PTP4A1: variants seen among roughly 807,000 people sequenced by gnomAD.
PTP4A1 encodes the protein protein tyrosine phosphatase type IVA 1.
A neutral mutation model predicts 20.5 loss-of-function variants in PTP4A1; 9 were observed. That is an observed-to-expected ratio of 0.44 (90% CI 0.26 to 0.77). PTP4A1 has a LOEUF of 0.77. Ranked by LOEUF, PTP4A1 falls within the 30% of genes least tolerant of loss-of-function variation. The probability of loss-of-function intolerance (pLI) is 0.19; values close to 1 mark genes in which losing one functional copy is unlikely to be tolerated. For missense variants in PTP4A1, 137 were observed against 218.8 expected (o/e 0.63, Z 2.36); for synonymous variants, 78 against 67.4 (o/e 1.16, Z -0.77).
At chr6:63,549,476 C>G in intron 2 of PTP4A1, 1 of 787,486 alleles carries the variant, frequency 1.3e-6, no homozygotes, top group Non-Finnish European at 2.2e-6. Context: ...CCGGAGCCAC[C>G]TTCTTTCCCT....
At position 63,576,715 on chromosome 6, in the gene PTP4A1, G is replaced by T. The variant is rs2149514534; in HGVS notation, c.-166G>T. 1.6e-6 allele frequency: 1 copy of T among 622,906 alleles called. No individual in the cohort carries two copies. Among genetic ancestry groups the T allele is most frequent in the Non-Finnish European group, 2.8e-6 (1 of 357,490 alleles). The allele number at this position is 622,906 out of a possible 1,614,324, so 38.6% of individuals were successfully genotyped here. ...CTGGATTGAAGAATTGCTGCTTCTT[G>T]TTAGGAGGTTCATTTCACTTATCAT... is the stretch of plus-strand genomic sequence containing the variant. On this transcript the variant is annotated 5_prime_UTR_variant, in exon 2 of 6. Transcript: ENST00000626021.
exon 2 of PTP4A1, chr6:63,527,868 C>G (rs1775255882): frequency 6.6e-6 from 1 of 152,192 alleles, no homozygotes; most frequent in South Asian, 2.1e-4. Flanking sequence ...TCATAATTCC[C>G]AGCAGCAGTG....
rs1369249808 is a variant in PTP4A1, at chr6:63,576,576, G to A, written c.-305G>A. The A allele has an allele frequency of 8.8e-6, 4 of 453,902 alleles. No individual in the cohort carries two copies. Among genetic ancestry groups the A allele is most frequent in the Non-Finnish European group, 1.5e-5 (4 of 258,734 alleles). 28.1% of individuals were successfully genotyped at this position (453,902 alleles called of 1,614,324 possible). On this transcript the variant is annotated 5_prime_UTR_variant, in exon 2 of 6. In the 5' UTR this introduces an upstream ATG that the reference lacks. Coordinates refer to ENST00000626021, the MANE Select transcript of PTP4A1 (RefSeq NM_003463.5). ...GCTCCACCAAGAAGCCCCCATAAGA[G>A]TGGTTATCCTGGACACAGAAGTGTT...
chr6:63,546,715 AAAAT>A (rs1210081792), intron 2 of PTP4A1, among the ~76,000 whole-genome samples: 1 of 152,194 alleles, frequency 6.6e-6, no homozygotes, highest in Non-Finnish European at 1.5e-5. Flanking sequence ...TCAAAAAAAA[AAAAT>A]AGAGTACAAG....
rs1778140889 is a variant in PTP4A1 at position 63,580,234 on chromosome 6, A to G, written c.*60A>G. The G allele has an allele frequency of 2.3e-6, 3 of 1,314,734 alleles. No individual in the cohort carries two copies. In the South Asian group the frequency reaches 3.6e-5, roughly 16 times the overall value. The allele number at this position is 1,314,734 out of a possible 1,614,324, so 81.4% of individuals were successfully genotyped here. A position where few individuals can be genotyped will look rare whatever the true frequency, so the allele number is the denominator to read the frequency against. On this transcript the variant is annotated 3_prime_UTR_variant, in exon 6 of 6. Coordinates refer to ENST00000626021, the MANE Select transcript of PTP4A1 (RefSeq NM_003463.5). Reference sequence around the variant, plus strand: ...TGAGATAGGGCCTAATTTGTTATACATATTAGCCAACATGTTGGCTTAGTA... The same window carrying G: ...TGAGATAGGGCCTAATTTGTTATACGTATTAGCCAACATGTTGGCTTAGTA...
chr6:63,542,906 G>A (rs767765467), intron 2 of PTP4A1, among the ~76,000 whole-genome samples: 6 of 151,974 alleles, frequency 3.9e-5, no homozygotes, highest in Non-Finnish European at 7.4e-5. Context: ...CTCTTATGTC[G>A]TGTTCCTAAC....
At chr6:63,523,093 T>C (rs1775004640) in intron 1 of PTP4A1, among the ~76,000 whole-genome samples, 1 of 151,808 alleles carries the variant, frequency 6.6e-6, no homozygotes, top group Non-Finnish European at 1.5e-5. Context: ...CTCAAACTCC[T>C]GACCTCAAGT....
chr6:63,559,909 G>T (rs1220008906), intron 3 of PTP4A1, among the ~76,000 whole-genome samples: 1 of 152,080 alleles, frequency 6.6e-6, no homozygotes, highest in Admixed American at 6.6e-5. Context: ...TTACAGGGGT[G>T]ATCCACCGTG....
chr6:63,519,462 G>C (rs2149469972), upstream of PTP4A1, among the ~76,000 whole-genome samples: 1 of 152,300 alleles, frequency 6.6e-6, no homozygotes, highest in South Asian at 2.1e-4. Flanking sequence ...ATGTGAAACT[G>C]TACTATGTCC....
intron 3 of PTP4A1, among the ~76,000 whole-genome samples, chr6:63,559,942 G>A (rs6916092): frequency 0.25 from 38,452 of 151,838 alleles, 5,748 homozygotes; most frequent in Admixed American, 0.34. Flanking sequence ...GTGTTTTTTC[G>A]TGACAACAGC....
At position 63,540,576 on chromosome 6, in the gene PTP4A1, G is replaced by GCT. The variant is rs1775918445; in HGVS notation, c.-639-9722_-639-9721dup. ...GCGGAGGTTGCAGTAAGCCAAGATT[G>GCT]CTCCACTCACTGCACTCCAGCCTGA... On this transcript the variant is annotated intron_variant, in intron 2 of 3. Transcript: ENST00000639568. 2.0e-5 allele frequency among the ~76,000 whole-genome samples: 3 copies of GCT among 151,188 alleles called. No homozygotes were observed. The South Asian group carries it at 6.3e-4, about 32-fold the overall frequency.
intron 2 of PTP4A1, among the ~76,000 whole-genome samples, chr6:63,541,219 A>G (rs28635226): frequency 0.087 from 13,258 of 152,188 alleles, 614 homozygotes; most frequent in East Asian, 0.16. Context: ...ACTAGTATCA[A>G]TATCTCCCAT....
At chr6:63,539,679 G>A (rs1775869741) in intron 2 of PTP4A1, among the ~76,000 whole-genome samples, 1 of 151,914 alleles carries the variant, frequency 6.6e-6, no homozygotes, top group Admixed American at 6.6e-5. Flanking sequence ...TGAGGCAGGG[G>A]AATTGCTTGA....
chr6:63,564,472 T>C (rs1777102723), intron 3 of PTP4A1, among the ~76,000 whole-genome samples: 1 of 152,172 alleles, frequency 6.6e-6, no homozygotes, highest in Admixed American at 6.5e-5. Flanking sequence ...ATAAATGTTA[T>C]TATGCTTGCA....
intron 1 of PTP4A1, chr6:63,527,809 T>C (rs917330525): frequency 2.6e-5 from 4 of 152,200 alleles, no homozygotes; most frequent in African/African-American, 9.7e-5. Flanking sequence ...TTGCTCTTTT[T>C]CCTCTGCAGA....
intron 1 of PTP4A1, chr6:63,573,643 C>T (rs11754879): frequency 2.1e-3 from 314 of 152,598 alleles, no homozygotes; most frequent in Non-Finnish European, 2.5e-3. Context: ...GCCCCGCCCT[C>T]CTCCCAGGCT....
At chr6:63,547,816 G>A (rs913818804) in intron 2 of PTP4A1, among the ~76,000 whole-genome samples, 1 of 152,090 alleles carries the variant, frequency 6.6e-6, no homozygotes, top group Non-Finnish European at 1.5e-5. Context: ...CGGCCCAGGG[G>A]GGGATTTGTT....
chr6:63,570,947 C>G (rs1279783416), upstream of PTP4A1: 1 of 152,174 alleles, frequency 6.6e-6, no homozygotes, highest in East Asian at 1.9e-4. Context: ...AGCTTTGCCC[C>G]TACCACCCAA....
Position 63,542,426 on chromosome 6 carries a change from TA to T in PTP4A1, c.-639-7863del, listed in dbSNP as rs371701345. Among the ~76,000 whole-genome samples, 484 of 144,284 alleles carry T rather than the reference TA, an allele frequency of 3.4e-3. 1 individual carries two copies. Among genetic ancestry groups the T allele is most frequent in the African/African-American group, 9.7e-3 (384 of 39,498 alleles). 94.7% of individuals were successfully genotyped at this position (144,284 alleles called of 152,430 possible). A position where few individuals can be genotyped will look rare whatever the true frequency, so the allele number is the denominator to read the frequency against. On this transcript the variant is annotated intron_variant, in intron 2 of 3. Transcript: ENST00000639568. ...CCTGTTCCCCAATAACCTATGGAAA[TA>T]AAAAAAAAAACTCTCCTTTGAACTC...
Sources: gnomAD v4.1 joint callset for allele counts (sites outside exome capture counted in the v4.1 genomes callset) on GRCh38, gnomAD v4.1.1 for gene constraint, MANE v1.5 for transcripts, NCBI Gene and HGNC (gene_info 2026-07-23, HGNC 2026-07-21) for gene names.